Variants in ARHGAP9 observed in about 807,000 individuals in gnomAD.
The protein encoded by ARHGAP9 is rho GTPase-activating protein 9.
A neutral mutation model predicts 87.3 loss-of-function variants in ARHGAP9; 76 were observed. The observed-to-expected ratio is 0.87, with a 90% CI of 0.72 to 1.05. The LOEUF (loss-of-function observed/expected upper bound fraction) is 1.05. ARHGAP9 is among the 50% of genes least tolerant of loss of function. ARHGAP9 has a pLI of 0.00. For synonymous variants in ARHGAP9, 382 were observed against 394.9 expected (o/e 0.97, Z 0.39); for missense variants, 941 against 960.5 (o/e 0.98, Z 0.27).
chr12:57,486,554 G>A (rs1875416094), intron 1 of ARHGAP9, among the ~76,000 whole-genome samples: 1 of 142,616 alleles, frequency 7.0e-6, no homozygotes. Flanking sequence ...ACAGGCGTGA[G>A]CCACCGCGCC....
chr12:57,475,093 C>A, intron 12 of ARHGAP9, 120 bp from the exon 13 acceptor site: 1 of 1,169,480 alleles, frequency 8.6e-7, no homozygotes, highest in Non-Finnish European at 1.2e-6. Flanking sequence ...CAGGCCTGGG[C>A]AAGGAAATAC....
intron 1 of ARHGAP9, among the ~76,000 whole-genome samples, chr12:57,486,548 G>T (rs1875414955): frequency 6.6e-6 from 1 of 150,758 alleles, no homozygotes; most frequent in Admixed American, 6.6e-5. Flanking sequence ...GGGGTTACAG[G>T]CGTGAGCCAC....
rs1046953602 is a variant in ARHGAP9, at chr12:57,477,675, G to T, written c.540C>A (p.Gly180=). ...GGGGCTCTGACATGAGGGGCTGGGG[G>T]CCTGCCTGCCAGAAAAGGGGGAAGA... ...LPSEASASTA[G]PQPLMSEPPV... is the part of the protein sequence containing the mutation. Residue 180 remains glycine, a synonymous_variant, in exon 4 of 18, where the codon GGC becomes GGA. Coordinates refer to ENST00000393791, the MANE Select transcript of ARHGAP9 (RefSeq NM_032496.4). The T allele has an allele frequency of 1.9e-6, 3 of 1,609,532 alleles. No homozygotes were observed. The highest frequency in any genetic ancestry group is 1.1e-5 in the South Asian group (1 of 90,990).
chr12:57,477,623 G>A lies in ARHGAP9; in HGVS notation c.592C>T (p.Arg198Cys), dbSNP rs750846549. 3.1e-5 allele frequency: 50 copies of A among 1,613,058 alleles called. No homozygotes were observed. The highest frequency in any genetic ancestry group is 3.9e-5 in the Non-Finnish European group (46 of 1,179,580). The part of the protein sequence containing the change: ...PPVYCNLVDL[R>C]RCPRSPPPGP... ...GGGGGTGGGGACCGAGGACAGCGGC[G>A]AAGGTCCACCAGGTTACAGTACACA... Residue 198 changes from arginine (R) to cysteine (C), a missense_variant, in exon 4 of 18, where the codon CGC becomes TGC. Transcript: ENST00000393791.
chr12:57,477,855 TTCTC>T (rs1254103706), intron 3 of ARHGAP9, 175 bp from the exon 4 acceptor site: 3 of 1,430,308 alleles, frequency 2.1e-6, no homozygotes, highest in East Asian at 2.7e-5. Flanking sequence ...TTTTTAAAAA[TTCTC>T]TCTCTCACAG....
chr12:57,479,894 T>C (rs1874841588), upstream of ARHGAP9: 1 of 1,449,596 alleles, frequency 6.9e-7, no homozygotes, highest in Admixed American at 2.9e-5. Context: ...TTATTCTTTA[T>C]TAAATTTATG....
chr12:57,488,016 C>A, intron 1 of ARHGAP9: 1 of 1,249,468 alleles, frequency 8.0e-7, no homozygotes, highest in Non-Finnish European at 1.2e-6. Flanking sequence ...CATTTCCCGG[C>A]GTGCCTCGCG....
At chr12:57,488,593 C>T in intron 1 of ARHGAP9, 2 of 1,551,110 alleles carry the variant, frequency 1.3e-6, no homozygotes, top group Non-Finnish European at 1.7e-6. Flanking sequence ...AACACACACA[C>T]ACGTTCCTTT....
chr12:57,472,361 A>T lies in ARHGAP9; in HGVS notation c.*156T>A. The T allele has an allele frequency of 1.1e-6, 1 of 909,816 alleles. No homozygotes were observed. The highest frequency in any genetic ancestry group is 1.6e-6 in the Non-Finnish European group (1 of 628,372). The allele number at this position is 909,816 out of a possible 1,614,324, so 56.4% of individuals were successfully genotyped here. A position where few individuals can be genotyped will look rare whatever the true frequency, so the allele number is the denominator to read the frequency against. The stretch of plus-strand genomic sequence containing the variant: ...GGTTAATCCACTCACTTTCCTCTTT[A>T]GAGAAGCTCCCTCACCCATCCCAAC... On this transcript the variant is annotated 3_prime_UTR_variant, in exon 18 of 18. Transcript: ENST00000393791.
chr12:57,475,561 T>C lies in ARHGAP9; in HGVS notation c.1366A>G (p.Ser456Gly). Reference sequence around the variant, plus strand: ...TCCTCTTCTTCGTCCTCCCCGGCGCTCAGCTCCGCGGGTCCAGAGCCCGAC... The same window carrying C: ...TCCTCTTCTTCGTCCTCCCCGGCGCCCAGCTCCGCGGGTCCAGAGCCCGAC... ...RLSGSGPAELSAGEDEEEESE... is the reference protein window; with the variant it reads ...RLSGSGPAELGAGEDEEEESE... Residue 456 changes from serine to glycine, a missense_variant, in exon 11 of 18, where the codon AGC becomes GGC. By Grantham distance (56) the Ser-to-Gly change is moderately conservative (BLOSUM62 0). Transcript: ENST00000393791. 6.2e-7 allele frequency: 1 copy of C among 1,610,306 alleles called. No individual in the cohort carries two copies. The highest frequency in any genetic ancestry group is 1.1e-5 in the South Asian group (1 of 90,522).
chr12:57,481,943 G>T (rs1005990849), upstream of ARHGAP9, among the ~76,000 whole-genome samples: 12 of 152,118 alleles, frequency 7.9e-5, no homozygotes, highest in Non-Finnish European at 1.5e-4. Flanking sequence ...TCCATGTGCT[G>T]CTAAGGACTG....
At chr12:57,475,258 T>C in intron 12 of ARHGAP9, 33 bp downstream of exon 12, 1 of 1,549,118 alleles carries the variant, frequency 6.5e-7, no homozygotes, top group South Asian at 1.2e-5. Flanking sequence ...CGCTGGAGTT[T>C]TCTTATCCAT....
At position 57,472,295 on chromosome 12, in the gene ARHGAP9, G is replaced by A. The variant is rs1872098117; in HGVS notation, c.*222C>T. ...ACCATGCCACTTTATGTATTATTAT[G>A]TTGGGGAGGAATGATAACAGGGAAC... On this transcript the variant is annotated 3_prime_UTR_variant, in exon 18 of 18. Transcript: ENST00000393791. 4.8e-6 allele frequency: 3 copies of A among 618,960 alleles called. No individual in the cohort carries two copies. Among genetic ancestry groups the A allele is most frequent in the Non-Finnish European group, 8.2e-6 (3 of 366,456 alleles). The allele number at this position is 618,960 out of a possible 1,614,324, so 38.3% of individuals were successfully genotyped here. A position where few individuals can be genotyped will look rare whatever the true frequency, so the allele number is the denominator to read the frequency against.
chr12:57,488,810 C>T, exon 1 of ARHGAP9: 1 of 829,692 alleles, frequency 1.2e-6, no homozygotes, highest in Non-Finnish European at 1.9e-6. Flanking sequence ...TCTGTTGCTT[C>T]CAGCTGGCAG....
rs772108596 is a variant in ARHGAP9 at position 57,472,649 on chromosome 12, GT to G, written c.2063del (p.His688ProfsTer34). On this transcript the variant is annotated frameshift_variant, in exon 18 of 18. Coordinates refer to ENST00000393791, the MANE Select transcript of ARHGAP9 (RefSeq NM_032496.4). LOFTEE classifies it high-confidence loss of function. Reference protein sequence around the residue: ...AHSDKNRMTPHNLGIVFGPTL... With the variant: ...AHSDKNRMTPXNLGIVFGPTL... The stretch of plus-strand genomic sequence containing the variant: ...TTGGTCCAAACACAATTCCCAGGTT[GT>G]GGGGTGTCATGCGATTCTTATCTGA... 6.2e-7 allele frequency: 1 copy of G among 1,614,228 alleles called. No individual in the cohort carries two copies. The highest frequency in any genetic ancestry group is 1.3e-5 in the African/African-American group (1 of 75,042).
intron 1 of ARHGAP9, 27 bp downstream of exon 1, chr12:57,479,703 C>G: frequency 6.4e-7 from 1 of 1,550,794 alleles, no homozygotes; most frequent in Non-Finnish European, 8.7e-7. Flanking sequence ...AGGAGATGAC[C>G]TAGGCCAGTA....
intron 1 of ARHGAP9, chr12:57,488,581 C>T: frequency 1.3e-6 from 2 of 1,550,962 alleles, no homozygotes; most frequent in Non-Finnish European, 1.7e-6. Flanking sequence ...CTCTCCCCTC[C>T]TAACACACAC....
chr12:57,488,185 C>G lies in ARHGAP9; in HGVS notation c.-204+427G>C, dbSNP rs11540809. 1.4e-4 allele frequency: 222 copies of G among 1,613,270 alleles called. No homozygotes were observed. The highest frequency in any genetic ancestry group is 1.8e-4 in the Non-Finnish European group (215 of 1,179,466). On this transcript the variant is annotated intron_variant, in intron 1 of 20. Transcript: ENST00000393797. Reference sequence around the variant, plus strand: ...GGCAGAGCAGAGGTGCTCATCAGCACTGTAGGCCCGGAAGGTACTCGTGCT... The same window carrying G: ...GGCAGAGCAGAGGTGCTCATCAGCAGTGTAGGCCCGGAAGGTACTCGTGCT...
intron 3 of ARHGAP9, chr12:57,477,992 G>T: frequency 8.4e-7 from 1 of 1,195,922 alleles, no homozygotes; most frequent in Admixed American, 3.8e-5. Flanking sequence ...GTTGAAGGGG[G>T]TGCCCCACCC....
Sources: allele counts gnomAD v4.1 joint callset (sites outside exome capture counted in the v4.1 genomes callset), GRCh38; gene constraint gnomAD v4.1.1; transcripts MANE v1.5; gene names NCBI Gene and HGNC (gene_info 2026-07-23, HGNC 2026-07-21).